Variants in ZNF385D observed in about 807,000 individuals in gnomAD.
ZNF385D encodes zinc finger protein 385D, also known as zinc finger protein 659.
A neutral mutation model predicts 35.8 loss-of-function variants in ZNF385D; 15 were observed. The ratio of observed to expected loss-of-function variants is 0.42; its 90% confidence interval spans 0.28 to 0.64. The LOEUF (loss-of-function observed/expected upper bound fraction) is 0.64. ZNF385D is among the 30% of genes least tolerant of loss of function. The probability of loss-of-function intolerance (pLI) is 0.23; values close to 1 mark genes in which losing one functional copy is unlikely to be tolerated. For missense variants in ZNF385D, 474 were observed against 494.6 expected (o/e 0.96, Z 0.39); for synonymous variants, 212 against 186.8 (o/e 1.13, Z -1.10).
At chr3:21,730,594 A>T (rs2068951709) in intron 1 of ZNF385D, among the ~76,000 whole-genome samples, 2 of 152,240 alleles carry the variant, frequency 1.3e-5, no homozygotes, top group South Asian at 4.1e-4. Flanking sequence ...AACAAAGGAG[A>T]TCTAAACCCC....
intron 1 of ZNF385D, among the ~76,000 whole-genome samples, chr3:21,749,102 G>T (rs1467187863): frequency 6.6e-6 from 1 of 152,068 alleles, no homozygotes; most frequent in Non-Finnish European, 1.5e-5. Context: ...AGACACTGAG[G>T]GCAACTTTAG....
At chr3:22,100,576 T>C (rs1701879027) in intron 3 of ZNF385D, among the ~76,000 whole-genome samples, 1 of 150,348 alleles carries the variant, frequency 6.7e-6, no homozygotes, top group African/African-American at 2.4e-5. Context: ...CAGTAAACTA[T>C]CACAAGGACA....
intron 3 of ZNF385D, chr3:22,134,426 C>T (rs982105345): frequency 2.6e-5 from 4 of 152,070 alleles, no homozygotes; most frequent in African/African-American, 7.2e-5. Context: ...ACTTCCAAAC[C>T]TCTCTCTTAG....
chr3:22,082,281 G>A (rs1419785144), intron 3 of ZNF385D, among the ~76,000 whole-genome samples: 3 of 152,090 alleles, frequency 2.0e-5, no homozygotes, highest in Admixed American at 2.0e-4. Flanking sequence ...AGGGGTCAGG[G>A]AATTCCCTTT....
intron 3 of ZNF385D, among the ~76,000 whole-genome samples, chr3:21,844,910 T>G (rs1178191432): frequency 1.3e-5 from 2 of 151,956 alleles, no homozygotes; most frequent in Non-Finnish European, 2.9e-5. Context: ...GACTTTAGAA[T>G]TGGTTTTATA....
chr3:22,228,113 C>T (rs1237513459), intron 2 of ZNF385D, among the ~76,000 whole-genome samples: 2 of 152,106 alleles, frequency 1.3e-5, no homozygotes, highest in African/African-American at 2.4e-5. Flanking sequence ...GGTAAGATAG[C>T]AGAGATGGTA....
In ZNF385D at chr3:21,685,600, C is replaced by T. The variant is rs4380425; in HGVS notation, c.23-20572G>A. On this transcript the variant is annotated intron_variant, in intron 1 of 7. Coordinates refer to ENST00000281523, the MANE Select transcript of ZNF385D (RefSeq NM_024697.3). ...AGAGGAAGTATTGGCACCAAAGAGC[C>T]GCTTCACCTGATGGATGTTGAAACC... Among the ~76,000 whole-genome samples the T allele has an allele frequency of 8.5e-3, 1,300 of 152,208 alleles. 10 individuals are homozygous for T. The highest frequency in any genetic ancestry group is 0.029 in the African/African-American group (1,212 of 41,526).
chr3:21,845,107 A>C (rs2125795289), intron 3 of ZNF385D, among the ~76,000 whole-genome samples: 1 of 152,104 alleles, frequency 6.6e-6, no homozygotes, highest in Middle Eastern at 3.4e-3. Flanking sequence ...GAATAACTTA[A>C]GAGTTAAAAT....
intron 3 of ZNF385D, among the ~76,000 whole-genome samples, chr3:22,081,748 T>A (rs775716490): frequency 6.6e-6 from 1 of 152,182 alleles, no homozygotes; most frequent in Non-Finnish European, 1.5e-5. Flanking sequence ...ACAAAGACTC[T>A]ATTGCCCCAA....
intron 1 of ZNF385D, among the ~76,000 whole-genome samples, chr3:21,705,169 A>G (rs2067851088): frequency 6.6e-6 from 1 of 152,238 alleles, no homozygotes; most frequent in African/African-American, 2.4e-5. Context: ...ATTATAAAAT[A>G]TTGTATGAAC....
At chr3:22,287,161 T>G (rs1702067921) in intron 2 of ZNF385D, among the ~76,000 whole-genome samples, 1 of 152,050 alleles carries the variant, frequency 6.6e-6, no homozygotes, top group African/African-American at 2.4e-5. Flanking sequence ...TTTTTTTACT[T>G]AAAGCTTACG....
intron 2 of ZNF385D, among the ~76,000 whole-genome samples, chr3:22,305,102 C>G (rs1225247756): frequency 2.0e-5 from 3 of 151,956 alleles, no homozygotes; most frequent in Non-Finnish European, 4.4e-5. Context: ...GTCTTAGGTA[C>G]CTTCCTTTAA....
intron 3 of ZNF385D, among the ~76,000 whole-genome samples, chr3:21,871,211 T>C (rs907768513): frequency 6.6e-6 from 1 of 152,100 alleles, no homozygotes; most frequent in Non-Finnish European, 1.5e-5. Context: ...GTGCTCCCTC[T>C]ACCTAGAACA....
chr3:21,811,756 C>G (rs1188862836), intron 3 of ZNF385D, among the ~76,000 whole-genome samples: 1 of 152,136 alleles, frequency 6.6e-6, no homozygotes, highest in Non-Finnish European at 1.5e-5. Context: ...GAAAGTAATT[C>G]ATGGAGAAGA....
intron 3 of ZNF385D, among the ~76,000 whole-genome samples, chr3:21,826,772 T>G (rs758570040): frequency 4.0e-5 from 6 of 151,172 alleles, no homozygotes; most frequent in Admixed American, 6.6e-5. Flanking sequence ...TTCTCTACTG[T>G]TCACATAAAC....
intron 3 of ZNF385D, among the ~76,000 whole-genome samples, chr3:22,025,740 G>C (rs978583687): frequency 1.3e-5 from 2 of 152,182 alleles, no homozygotes; most frequent in Non-Finnish European, 2.9e-5. Flanking sequence ...GATTGGGATG[G>C]TGGAGTGGGT....
chr3:21,908,268 C>T (rs552360836), intron 3 of ZNF385D, among the ~76,000 whole-genome samples: 1 of 151,100 alleles, frequency 6.6e-6, no homozygotes, highest in Admixed American at 6.6e-5. Flanking sequence ...AAGAAAAAGA[C>T]GTAAGGAAAA....
chr3:21,599,124 C>T (rs1013197854), intron 2 of ZNF385D, among the ~76,000 whole-genome samples: 4 of 152,138 alleles, frequency 2.6e-5, no homozygotes, highest in African/African-American at 4.8e-5. Context: ...ATGCAAATGC[C>T]GTTTCTCATT....
intron 2 of ZNF385D, among the ~76,000 whole-genome samples, chr3:22,255,599 G>T (rs916779322): frequency 3.3e-5 from 5 of 151,530 alleles, no homozygotes; most frequent in African/African-American, 1.2e-4. Flanking sequence ...CAAAAGGGTG[G>T]CCTCTATTAT....
Sources: allele counts gnomAD v4.1 joint callset (sites outside exome capture counted in the v4.1 genomes callset), GRCh38; gene constraint gnomAD v4.1.1; transcripts MANE v1.5; gene names NCBI Gene and HGNC (gene_info 2026-07-23, HGNC 2026-07-21).